STPG3: variants seen among roughly 807,000 people sequenced by gnomAD.
STPG3 encodes protein STPG3.
STPG3 carries 39 observed loss-of-function variants against 32.5 expected under a neutral mutation model. The ratio of observed to expected loss-of-function variants is 1.20; its 90% CI spans 0.93 to 1.57. The LOEUF (loss-of-function observed/expected upper bound fraction) is 1.57, where lower values mean the gene tolerates loss of function less well. STPG3 is among the 40% of genes most tolerant of loss of function. STPG3 has a pLI of 0.00. For missense variants in STPG3, 507 were observed against 407.6 expected, an observed-to-expected ratio of 1.24 and a Z score of -2.10; for synonymous variants, 209 against 172.4, an observed-to-expected ratio of 1.21 and a Z score of -1.66.
chr9:137,253,385 C>T lies in STPG3; in HGVS notation c.*140C>T, dbSNP rs778134844. 6.0e-6 allele frequency: 9 copies of T among 1,509,630 alleles called. No homozygotes were observed. The highest frequency in any genetic ancestry group is 5.5e-5 in the African/African-American group (4 of 72,310). 93.5% of individuals were successfully genotyped at this position (1,509,630 alleles called of 1,614,324 possible). A position where few individuals can be genotyped will look rare whatever the true frequency, so the allele number is the denominator to read the frequency against. On this transcript the variant is annotated 3_prime_UTR_variant, in exon 6 of 6. Coordinates refer to ENST00000412566, the MANE Select transcript of STPG3 (RefSeq NM_001004353.4). ...TGGGCACCCCGATGCACCCTTCTGG[C>T]TGGCCAACCCTTCTATGGGCTGTGG...
chr9:137,252,586 G>A (rs1837398013), intron 4 of STPG3, 61 bp downstream of exon 4: 10 of 1,507,018 alleles, frequency 6.6e-6, no homozygotes, highest in Non-Finnish European at 9.0e-6. Context: ...GGGGGTTCCA[G>A]TGGGGCCAAA....
chr9:137,252,552 G>A (rs771313766), intron 4 of STPG3, 27 bp downstream of exon 4: 4 of 1,531,330 alleles, frequency 2.6e-6, no homozygotes, highest in South Asian at 1.2e-5. Flanking sequence ...GAAGGGGGCG[G>A]GGAGTCCACG....
At chr9:137,252,209 G>A in intron 3 of STPG3, 74 bp downstream of exon 3, 1 of 1,546,262 alleles carries the variant, frequency 6.5e-7, no homozygotes, top group Admixed American at 1.8e-5. Context: ...TTGCCTCTGT[G>A]CTGAAACCCC....
At position 137,253,319 on chromosome 9, in the gene STPG3, T is replaced by TC; in HGVS notation, c.*78dup. The TC allele has an allele frequency of 6.4e-7, 1 of 1,553,152 alleles. No homozygotes were observed. On this transcript the variant is annotated 3_prime_UTR_variant, in exon 6 of 6. Coordinates refer to ENST00000412566, the MANE Select transcript of STPG3 (RefSeq NM_001004353.4). The stretch of plus-strand genomic sequence containing the variant: ...GCCTCCCCCGGGGCTTTCCCAGGCC[T>TC]CCCCTGGGACTTGGGGCCCCAGCCT...
rs750980220 is a variant in STPG3, at chr9:137,253,121, C to T, written c.803C>T (p.Thr268Ile). 10 of 1,570,710 alleles carry T rather than the reference C, an allele frequency of 6.4e-6. No homozygotes were observed. Among genetic ancestry groups the T allele is most frequent in the Non-Finnish European group, 5.2e-6 (6 of 1,154,670 alleles). Reference protein sequence around the residue: ...AFTSWLSTSRTPGPAAYHVED... With the variant: ...AFTSWLSTSRIPGPAAYHVED... The stretch of plus-strand genomic sequence containing the variant: ...CAGCCTTCTCTTTCGGCAGCCCGAA[C>T]CCCTGGCCCAGCCGCCTACCACGTG... The change falls in exon 6 of 6, where the codon ACC becomes ATC. Residue 268 changes from threonine (T) to isoleucine (I), a missense_variant. By Grantham distance (89) the Thr-to-Ile change is moderately conservative. Coordinates refer to ENST00000412566, the MANE Select transcript of STPG3 (RefSeq NM_001004353.4).
In STPG3 at chr9:137,253,020, A is replaced by G. The variant is rs1251418249; in HGVS notation, c.796+55A>G. 6 of 1,457,884 alleles carry G rather than the reference A, an allele frequency of 4.1e-6. No homozygotes were observed. In the African/African-American group the frequency reaches 8.5e-5, roughly 21 times the overall value. 90.3% of individuals were successfully genotyped at this position (1,457,884 alleles called of 1,614,324 possible). ...GGATGGGGCATGGGTGGGCAATGTGAGGACAAGGGTTCAGGGGCCGGGGGT... is the reference window on the plus strand; with the variant it reads ...GGATGGGGCATGGGTGGGCAATGTGGGGACAAGGGTTCAGGGGCCGGGGGT... On this transcript the variant is annotated intron_variant, in intron 5 of 5. Coordinates refer to ENST00000412566, the MANE Select transcript of STPG3 (RefSeq NM_001004353.4).
At position 137,252,468 on chromosome 9, in the gene STPG3, G is replaced by A. The variant is rs1390776168; in HGVS notation, c.435G>A (p.Leu145=). The part of the protein sequence containing the change: ...EGGGRRAWQT[L]WFQSESPFTQ... ...GTGGCCGCAGGGCATGGCAGACTTT[G>A]TGGTTCCAGAGCGAAAGCCCCTTCA... Residue 145 remains leucine, a synonymous_variant, in exon 4 of 6, where the codon TTG becomes TTA. Transcript: ENST00000412566. 1 of 1,611,368 alleles carries A rather than the reference G, an allele frequency of 6.2e-7. No individual in the cohort carries two copies. The highest frequency in any genetic ancestry group is 1.1e-5 in the South Asian group (1 of 90,410).
rs1837464408 is a variant in STPG3 at position 137,253,366 on chromosome 9, C to G, written c.*121C>G. ...GCCTGGCCTTCTGACCCTCTGGGCA[C>G]CCCGATGCACCCTTCTGGCTGGCCA... is the stretch of plus-strand genomic sequence containing the variant. On this transcript the variant is annotated 3_prime_UTR_variant, in exon 6 of 6. Coordinates refer to ENST00000412566, the MANE Select transcript of STPG3 (RefSeq NM_001004353.4). 5 of 1,534,554 alleles carry G rather than the reference C, an allele frequency of 3.3e-6. No homozygotes were observed. The highest frequency in any genetic ancestry group is 4.4e-6 in the Non-Finnish European group (5 of 1,142,522).
At chr9:137,251,644 C>G in intron 1 of STPG3, 94 bp from the exon 2 acceptor site, 1 of 1,455,486 alleles carries the variant, frequency 6.9e-7, no homozygotes, top group East Asian at 2.5e-5. Flanking sequence ...CTGGGAGCAG[C>G]CGGGGGCTGA....
At chr9:137,252,578 G>T in intron 4 of STPG3, 53 bp downstream of exon 4, 1 of 1,499,562 alleles carries the variant, frequency 6.7e-7, no homozygotes, top group Admixed American at 2.0e-5. Context: ...AGGGGGCTGG[G>T]GGTTCCAGTG....
At chr9:137,252,169 G>A (rs1296953135) in intron 3 of STPG3, 34 bp downstream of exon 3, 14 of 1,586,486 alleles carry the variant, frequency 8.8e-6, no homozygotes, top group Non-Finnish European at 1.2e-5. Flanking sequence ...CAACCACCGG[G>A]CCTGTCCCTC....
At chr9:137,252,375 G>T (rs917090144) in intron 3 of STPG3, 62 bp from the exon 4 acceptor site, 9 of 1,524,896 alleles carry the variant, frequency 5.9e-6, no homozygotes, top group Non-Finnish European at 8.1e-6. Context: ...AGACAGGTTC[G>T]AGTGGGGACT....
chr9:137,251,961 T>C, intron 2 of STPG3, 40 bp from the exon 3 acceptor site: 1 of 1,599,918 alleles, frequency 6.3e-7, no homozygotes, highest in East Asian at 2.3e-5. Context: ...AGGGGCCCGC[T>C]GAAAGGAGCC....
rs913871881 is a variant in STPG3, at chr9:137,253,163, G to C, written c.845G>C (p.Arg282Pro). ...AAYHVEDCNS[R>P]FPSAPGVVIQ... is the part of the protein sequence containing the mutation. ...TACCACGTGGAGGACTGCAACTCACGCTTCCCTTCGGCGCCTGGCGTGGTC... is the reference window on the plus strand; with the variant it reads ...TACCACGTGGAGGACTGCAACTCACCCTTCCCTTCGGCGCCTGGCGTGGTC... The change falls in exon 6 of 6, where the codon CGC becomes CCC. Residue 282 changes from arginine (R) to proline (P), a missense_variant. Transcript: ENST00000412566. 1 of 1,602,952 alleles carries C rather than the reference G, an allele frequency of 6.2e-7. No homozygotes were observed. Among genetic ancestry groups the C allele is most frequent in the Non-Finnish European group, 8.5e-7 (1 of 1,173,528 alleles).
At chr9:137,251,669 G>C (rs957389795) in intron 1 of STPG3, 69 bp from the exon 2 acceptor site, 2 of 1,516,888 alleles carry the variant, frequency 1.3e-6, no homozygotes, top group Non-Finnish European at 1.8e-6. Flanking sequence ...CAATAGAGGG[G>C]ACAGGCTGTG....
Position 137,252,488 on chromosome 9 carries a change from C to T in STPG3, c.455C>T (p.Pro152Leu), listed in dbSNP as rs1227892166. Residue 152 changes from proline (P) to leucine (L), a missense_variant, in exon 4 of 6, where the codon CCC (proline) becomes CTC (leucine). Pro to Leu is a moderately conservative substitution (Grantham distance 98). Transcript: ENST00000412566. ...ACTTTGTGGTTCCAGAGCGAAAGCC[C>T]CTTCACGCAGAAAGCTGACTTCGAC... Reference protein sequence around the residue: ...WQTLWFQSESPFTQKADFDQE... With the variant: ...WQTLWFQSESLFTQKADFDQE... 6.2e-7 allele frequency: 1 copy of T among 1,610,308 alleles called. No individual in the cohort carries two copies. The highest frequency in any genetic ancestry group is 8.5e-7 in the Non-Finnish European group (1 of 1,178,590).
Position 137,251,873 on chromosome 9 carries a change from C to T in STPG3, c.246C>T (p.Tyr82=), listed in dbSNP as rs1434814886. 1.2e-6 allele frequency: 2 copies of T among 1,608,610 alleles called. No homozygotes were observed. The highest frequency in any genetic ancestry group is 1.3e-5 in the African/African-American group (1 of 74,790). The part of the protein sequence containing the change: ...TGTPQESLPT[Y]TQTLRELLLE... Reference sequence around the variant, plus strand: ...CCCCCCAGGAGTCCCTGCCCACCTACACCCAGACCCTGAGGGAACTATGTG... The same window carrying T: ...CCCCCCAGGAGTCCCTGCCCACCTATACCCAGACCCTGAGGGAACTATGTG... The change falls in exon 2 of 6, where the codon TAC becomes TAT. Residue 82 remains tyrosine, a synonymous_variant. Coordinates refer to ENST00000412566, the MANE Select transcript of STPG3 (RefSeq NM_001004353.4).
intron 3 of STPG3, 72 bp downstream of exon 3, chr9:137,252,207 G>T: frequency 6.5e-7 from 1 of 1,547,766 alleles, no homozygotes; most frequent in South Asian, 1.2e-5. Context: ...CTTTGCCTCT[G>T]TGCTGAAACC....
intron 5 of STPG3, 63 bp from the exon 6 acceptor site, chr9:137,253,052 T>G: frequency 1.3e-6 from 2 of 1,518,472 alleles, no homozygotes; most frequent in Non-Finnish European, 1.8e-6. Context: ...GGGTGGGAAC[T>G]GGGAGCCAGG....
Sources: allele counts gnomAD v4.1 joint callset, GRCh38; gene constraint gnomAD v4.1.1; transcripts MANE v1.5; gene names NCBI Gene and HGNC (gene_info 2026-07-23, HGNC 2026-07-21).